The following KCNIP1 variants were observed in gnomAD, a reference collection of about 807,000 sequenced individuals.
KCNIP1 encodes potassium voltage-gated channel interacting protein 1, also known as A-type potassium channel modulatory protein KCNIP1.
Under a neutral mutation model 33.0 loss-of-function variants are expected in KCNIP1, and 18 were observed. The observed-to-expected ratio is 0.55, with a 90% CI of 0.38 to 0.81. The LOEUF (loss-of-function observed/expected upper bound fraction) is 0.81. Among genes scored for constraint, KCNIP1 ranks in the 30% least tolerant of loss-of-function variants. KCNIP1 has a pLI of 0.00. For missense variants in KCNIP1, 238 were observed against 271.6 expected (o/e 0.88, Z 0.87); for synonymous variants, 93 against 98.3 (o/e 0.95, Z 0.32).
chr5:170,557,866 T>C (rs1756894560), intron 1 of KCNIP1, among the ~76,000 whole-genome samples: 1 of 152,294 alleles, frequency 6.6e-6, no homozygotes, highest in African/African-American at 2.4e-5. Flanking sequence ...TTTTCTAGCA[T>C]AAGGTTGTTC....
At chr5:170,439,650 C>T (rs1173170949) in intron 1 of KCNIP1, among the ~76,000 whole-genome samples, 3 of 152,212 alleles carry the variant, frequency 2.0e-5, no homozygotes, top group East Asian at 1.9e-4. Flanking sequence ...GTGAGGGGCG[C>T]GCTAGCCTGA....
chr5:170,450,971 C>T (rs1427819389), intron 1 of KCNIP1, among the ~76,000 whole-genome samples: 3 of 151,994 alleles, frequency 2.0e-5, no homozygotes, highest in Non-Finnish European at 4.4e-5. Context: ...AGAGTGTGTG[C>T]GATTACCGAG....
chr5:170,376,547 G>A (rs1764014416), intron 1 of KCNIP1: 1 of 152,086 alleles, frequency 6.6e-6, no homozygotes, highest in Admixed American at 6.5e-5. Context: ...GCCTCAGTGT[G>A]TGTTGTTCCC....
chr5:170,660,898 G>A (rs1761457320), intron 1 of KCNIP1, among the ~76,000 whole-genome samples: 1 of 152,242 alleles, frequency 6.6e-6, no homozygotes, highest in East Asian at 1.9e-4. Context: ...AAGAACCAGT[G>A]AGATTAACAA....
At chr5:170,596,029 A>G (rs1309873977) in intron 1 of KCNIP1, among the ~76,000 whole-genome samples, 1 of 152,156 alleles carries the variant, frequency 6.6e-6, no homozygotes, top group East Asian at 1.9e-4. Context: ...ATGCCAGGTT[A>G]CTCGAGGCTC....
chr5:170,646,951 G>A (rs904553511), intron 1 of KCNIP1, among the ~76,000 whole-genome samples: 17 of 152,060 alleles, frequency 1.1e-4, no homozygotes, highest in African/African-American at 1.4e-4. Context: ...TACCAGCAAT[G>A]AACAAGTAGA....
In KCNIP1 at chr5:170,732,822, C is replaced by T; in HGVS notation, c.458C>T (p.Ala153Val). ...NKEEMMDIVK[A>V]IYDMMGKYTY... The stretch of plus-strand genomic sequence containing the variant: ...CAGGAGATGATGGACATTGTCAAAG[C>T]CATCTATGACATGATGGGGAAATAC... The change falls in exon 6 of 8, where the codon GCC becomes GTC. Residue 153 changes from alanine to valine, a missense_variant. Physicochemically the swap from Ala to Val is moderately conservative, Grantham distance 64. Coordinates refer to ENST00000328939, the MANE Select transcript of KCNIP1 (RefSeq NM_014592.4). The T allele has an allele frequency of 6.2e-7, 1 of 1,611,812 alleles. No individual in the cohort carries two copies. The highest frequency in any genetic ancestry group is 8.5e-7 in the Non-Finnish European group (1 of 1,178,044).
chr5:170,701,021 C>A (rs920652006), intron 1 of KCNIP1, among the ~76,000 whole-genome samples: 4 of 152,126 alleles, frequency 2.6e-5, no homozygotes, highest in African/African-American at 9.7e-5. Flanking sequence ...ACAGCACAAC[C>A]ATTATCCCAC....
chr5:170,521,104 A>G (rs563150095), intron 1 of KCNIP1, among the ~76,000 whole-genome samples: 14 of 152,332 alleles, frequency 9.2e-5, no homozygotes, highest in Non-Finnish European at 1.6e-4. Flanking sequence ...TGATAAATAC[A>G]GGTTCCTCTG....
intron 1 of KCNIP1, among the ~76,000 whole-genome samples, chr5:170,418,315 C>T (rs1027295410): frequency 1.3e-5 from 2 of 152,180 alleles, no homozygotes; most frequent in African/African-American, 4.8e-5. Context: ...CCTGTAATCC[C>T]AGCTACTGGG....
At chr5:170,631,476 AAGC>A (rs1447433780) in intron 1 of KCNIP1, among the ~76,000 whole-genome samples, 1 of 152,068 alleles carries the variant, frequency 6.6e-6, no homozygotes, top group Non-Finnish European at 1.5e-5. Context: ...CGCTTTTTGA[AAGC>A]AGCTCCAGAC....
chr5:170,731,930 C>T (rs553052163), intron 5 of KCNIP1, among the ~76,000 whole-genome samples: 8 of 131,348 alleles, frequency 6.1e-5, no homozygotes, highest in African/African-American at 1.7e-4. Flanking sequence ...TGAATAAGCC[C>T]TGTAGTTTAG....
At chr5:170,555,879 A>T (rs1756825944) in intron 1 of KCNIP1, among the ~76,000 whole-genome samples, 3 of 152,216 alleles carry the variant, frequency 2.0e-5, no homozygotes. Context: ...GGCTACAGGG[A>T]CACAAGGTAA....
At chr5:170,363,507 G>A (rs542507963) in intron 1 of KCNIP1, among the ~76,000 whole-genome samples, 1 of 152,306 alleles carries the variant, frequency 6.6e-6, no homozygotes, top group South Asian at 2.1e-4. Context: ...CTACAAGCCA[G>A]GAAAAGAAAC....
chr5:170,373,618 G>A (rs976873628), intron 1 of KCNIP1, among the ~76,000 whole-genome samples: 3 of 152,022 alleles, frequency 2.0e-5, no homozygotes, highest in East Asian at 1.9e-4. Context: ...ACAATTATGC[G>A]TGGCAAAAAG....
chr5:170,378,567 A>G (rs1764098495), intron 1 of KCNIP1: 1 of 934,682 alleles, frequency 1.1e-6, no homozygotes, highest in South Asian at 1.6e-5. Flanking sequence ...TTAGTCCTGC[A>G]ACAGAAGACA....
intron 1 of KCNIP1, among the ~76,000 whole-genome samples, chr5:170,598,902 C>CGTGTGTGTGT (rs1251870404): frequency 1.4e-4 from 7 of 50,430 alleles, no homozygotes; most frequent in African/African-American, 5.6e-4. Flanking sequence ...TGTGTGTGTG[C>CGTGTGTGTGT]GCGTGTGTGT....
intron 1 of KCNIP1, among the ~76,000 whole-genome samples, chr5:170,527,695 T>C (rs916007521): frequency 6.6e-6 from 1 of 150,636 alleles, no homozygotes; most frequent in African/African-American, 2.4e-5. Context: ...TCCTTGGAGT[T>C]CTGATGTGGG....
chr5:170,393,671 G>A (rs1279575743), intron 1 of KCNIP1, among the ~76,000 whole-genome samples: 1 of 152,194 alleles, frequency 6.6e-6, no homozygotes, highest in Non-Finnish European at 1.5e-5. Flanking sequence ...TATAACAACA[G>A]CAAAAGTAAA....
Sources: allele counts gnomAD v4.1 joint callset (sites outside exome capture counted in the v4.1 genomes callset), GRCh38; gene constraint gnomAD v4.1.1; transcripts MANE v1.5; gene names NCBI Gene and HGNC (gene_info 2026-07-23, HGNC 2026-07-21).